The following KCNN3 variants were observed in gnomAD, a reference collection of about 807,000 sequenced individuals.
The protein encoded by KCNN3 is potassium calcium-activated channel subfamily N member 3.
A neutral mutation model predicts 62.9 loss-of-function variants in KCNN3; 16 were observed. The observed-to-expected ratio is 0.25, with a 90% confidence interval of 0.17 to 0.39. KCNN3 has a LOEUF of 0.39. Ranked by LOEUF, KCNN3 falls within the 10% of genes least tolerant of loss-of-function variation. The pLI is 1.00. For missense variants in KCNN3, 599 were observed against 949.4 expected (o/e 0.63, Z 4.85); for synonymous variants, 370 against 389.2 (o/e 0.95, Z 0.58).
At position 154,699,524 on chromosome 1, in the gene KCNN3, G is replaced by A. The variant is rs1699808037; in HGVS notation, c.*8452C>T. 6.6e-6 allele frequency: 1 copy of A among 152,122 alleles called. No homozygotes were observed. The highest frequency in any genetic ancestry group is 2.1e-4 in the South Asian group (1 of 4,828). 9.4% of individuals were successfully genotyped at this position (152,122 alleles called of 1,614,324 possible). ...TCCAAGGCACTTTTTACAATGAACAGGTTAAAGCCATTAATTTAGAACATA... is the reference window on the plus strand; with the variant it reads ...TCCAAGGCACTTTTTACAATGAACAAGTTAAAGCCATTAATTTAGAACATA... On this transcript the variant is annotated 3_prime_UTR_variant, in exon 8 of 8. Transcript: ENST00000271915.
chr1:154,850,833 C>T (rs1008723939), intron 1 of KCNN3, among the ~76,000 whole-genome samples: 27 of 152,346 alleles, frequency 1.8e-4, no homozygotes, highest in Non-Finnish European at 2.9e-4. Flanking sequence ...ATTTATGACA[C>T]ATTTTATTCA....
At chr1:154,724,429 G>T (rs1329203836) in intron 5 of KCNN3, among the ~76,000 whole-genome samples, 1 of 152,158 alleles carries the variant, frequency 6.6e-6, no homozygotes, top group Non-Finnish European at 1.5e-5. Flanking sequence ...AGTCCTAAAT[G>T]AAAAAGACTA....
chr1:154,784,641 G>C (rs1649198981), intron 2 of KCNN3, among the ~76,000 whole-genome samples: 1 of 152,166 alleles, frequency 6.6e-6, no homozygotes, highest in Non-Finnish European at 1.5e-5. Flanking sequence ...GAGAAGGATG[G>C]CCAGACAGTT....
chr1:154,725,182 A>T (rs937747182), intron 5 of KCNN3, among the ~76,000 whole-genome samples: 1 of 152,112 alleles, frequency 6.6e-6, no homozygotes, highest in Non-Finnish European at 1.5e-5. Context: ...GATTTTTTTT[A>T]AAGGATTAGA....
chr1:154,829,901 G>T (rs1009419700), intron 1 of KCNN3, among the ~76,000 whole-genome samples: 1 of 152,102 alleles, frequency 6.6e-6, no homozygotes, highest in Admixed American at 6.5e-5. Flanking sequence ...GGTGACCAGA[G>T]CACCTTTCAC....
At chr1:154,819,511 G>A (rs899153757) in intron 2 of KCNN3, among the ~76,000 whole-genome samples, 1 of 152,154 alleles carries the variant, frequency 6.6e-6, no homozygotes, top group Non-Finnish European at 1.5e-5. Context: ...CTACAATATG[G>A]CCCAGTGCGG....
At chr1:154,734,874 T>C (rs1479103873) in intron 3 of KCNN3, among the ~76,000 whole-genome samples, 3 of 152,174 alleles carry the variant, frequency 2.0e-5, no homozygotes, top group African/African-American at 7.2e-5. Flanking sequence ...GCAAAGCCCA[T>C]GCTCCTTTCA....
intron 2 of KCNN3, among the ~76,000 whole-genome samples, chr1:154,794,794 G>C (rs1336964148): frequency 4.6e-5 from 7 of 152,208 alleles, no homozygotes; most frequent in Admixed American, 6.5e-5. Context: ...AGCCCATCTA[G>C]AAAGAATGCT....
intron 1 of KCNN3, among the ~76,000 whole-genome samples, chr1:154,839,176 G>T (rs1405780655): frequency 2.0e-5 from 3 of 152,180 alleles, no homozygotes; most frequent in Non-Finnish European, 2.9e-5. Flanking sequence ...ACTTATCCAT[G>T]AAATGAGTGC....
intron 3 of KCNN3, among the ~76,000 whole-genome samples, chr1:154,736,549 T>A (rs1700714520): frequency 6.6e-6 from 1 of 152,238 alleles, no homozygotes; most frequent in Non-Finnish European, 1.5e-5. Flanking sequence ...CTAGAAGCTT[T>A]GCAGGTGTCC....
rs756748100 is a variant in KCNN3, at chr1:154,707,943, T to C, written c.*33A>G. On this transcript the variant is annotated 3_prime_UTR_variant, in exon 8 of 8. Coordinates refer to ENST00000271915, the MANE Select transcript of KCNN3 (RefSeq NM_002249.6). ...GAGAGTTGATTTGCATCTTAAGACC[T>C]ATGGGTAATGCTTCTGGAGTGGGGA... 23 of 1,605,786 alleles carry C rather than the reference T, an allele frequency of 1.4e-5. No individual in the cohort carries two copies. The Admixed American group carries it at 2.5e-4, about 18-fold the overall frequency.
At chr1:154,765,689 CGCA>C (rs1228442157) in intron 3 of KCNN3, among the ~76,000 whole-genome samples, 1 of 147,334 alleles carries the variant, frequency 6.8e-6, no homozygotes, top group African/African-American at 2.5e-5. Flanking sequence ...AGTGCAGTGG[CGCA>C]ATCTCTGCTC....
intron 1 of KCNN3, among the ~76,000 whole-genome samples, chr1:154,836,790 C>T (rs1651609371): frequency 6.6e-6 from 1 of 152,228 alleles, no homozygotes; most frequent in South Asian, 2.1e-4. Flanking sequence ...CCCTGGGCTC[C>T]CTCTGAGTGG....
rs1395474700 is a variant in KCNN3, at chr1:154,706,211, A to G, written c.*1765T>C. The G allele has an allele frequency of 6.6e-6, 1 of 152,204 alleles. No individual in the cohort carries two copies. Among genetic ancestry groups the G allele is most frequent in the East Asian group, 1.9e-4 (1 of 5,204 alleles). 9.4% of individuals were successfully genotyped at this position (152,204 alleles called of 1,614,324 possible). ...CTGAAAAAGTGGCCTTGGCTCTACAATTGTCTACCTTGTGCTGTCCTTAGA... is the reference window on the plus strand; with the variant it reads ...CTGAAAAAGTGGCCTTGGCTCTACAGTTGTCTACCTTGTGCTGTCCTTAGA... On this transcript the variant is annotated 3_prime_UTR_variant, in exon 8 of 8. Transcript: ENST00000271915.
chr1:154,753,690 CCTGCTCA>C (rs1231485336), intron 3 of KCNN3, among the ~76,000 whole-genome samples: 1 of 152,196 alleles, frequency 6.6e-6, no homozygotes, highest in Non-Finnish European at 1.5e-5. Context: ...CCCCGTCCTG[CCTGCTCA>C]CTTCATAGGG....
intron 4 of KCNN3, among the ~76,000 whole-genome samples, chr1:154,727,364 T>C (rs1248296594): frequency 5.9e-5 from 9 of 152,216 alleles, no homozygotes; most frequent in East Asian, 5.8e-4. Flanking sequence ...CAGAAAAGAA[T>C]GTTTTTCAAA....
At chr1:154,821,921 C>T (rs1301674180) in intron 2 of KCNN3, among the ~76,000 whole-genome samples, 168 bp downstream of exon 2, 2 of 152,180 alleles carry the variant, frequency 1.3e-5, no homozygotes, top group Admixed American at 6.5e-5. Flanking sequence ...AGTTTCCTCT[C>T]CCATTTGGGT....
chr1:154,830,387 A>T (rs966319083), intron 1 of KCNN3, among the ~76,000 whole-genome samples: 10 of 152,216 alleles, frequency 6.6e-5, no homozygotes, highest in Non-Finnish European at 1.5e-4. Context: ...TCAGGAAGAC[A>T]GGATGGCAAT....
At chr1:154,858,910 C>T (rs1652644725) in intron 1 of KCNN3, among the ~76,000 whole-genome samples, 1 of 152,196 alleles carries the variant, frequency 6.6e-6, no homozygotes, top group African/African-American at 2.4e-5. Flanking sequence ...ATGGTCCTTT[C>T]CCTGCCTTCC....
Sources: gnomAD v4.1 joint callset for allele counts (sites outside exome capture counted in the v4.1 genomes callset) on GRCh38, gnomAD v4.1.1 for gene constraint, MANE v1.5 for transcripts, NCBI Gene and HGNC (gene_info 2026-07-23, HGNC 2026-07-21) for gene names.